The following KAT6A variants were observed in gnomAD, a reference collection of about 807,000 sequenced individuals.
KAT6A encodes lysine acetyltransferase 6A.
In KAT6A, 9 loss-of-function variants were observed where a neutral mutation model predicts 198.4. The ratio of observed to expected loss-of-function variants is 0.05; its 90% CI spans 0.03 to 0.08. The LOEUF (loss-of-function observed/expected upper bound fraction) is 0.08. Ranked by LOEUF, KAT6A falls within the 10% of genes least tolerant of loss-of-function variation. The pLI, the probability that KAT6A is intolerant of heterozygous loss-of-function variation, is 1.00. For missense variants in KAT6A, 2,077 were observed against 2,509.9 expected, an observed-to-expected ratio of 0.83 and a Z score of 3.69; for synonymous variants, 890 against 883.0, an observed-to-expected ratio of 1.01 and a Z score of -0.14.
At chr8:42,012,818 A>G (rs763021088) in intron 2 of KAT6A, among the ~76,000 whole-genome samples, 1 of 152,188 alleles carries the variant, frequency 6.6e-6, no homozygotes, top group Non-Finnish European at 1.5e-5. Flanking sequence ...AATGTCCCTC[A>G]ATAGGGGAAG....
At chr8:41,998,155 T>C (rs796964988) in intron 2 of KAT6A, among the ~76,000 whole-genome samples, 10 of 152,268 alleles carry the variant, frequency 6.6e-5, no homozygotes, top group African/African-American at 2.4e-4. Context: ...ACTCACATTT[T>C]CAAAGCACTT....
chr8:41,986,333 C>A (rs1053604612), intron 3 of KAT6A, among the ~76,000 whole-genome samples: 1 of 152,182 alleles, frequency 6.6e-6, no homozygotes, highest in Admixed American at 6.5e-5. Flanking sequence ...TAGAATTTCA[C>A]ATTGCTCGCT....
chr8:41,952,774 C>G (rs1001625000), intron 9 of KAT6A, among the ~76,000 whole-genome samples: 1 of 152,080 alleles, frequency 6.6e-6, no homozygotes, highest in Non-Finnish European at 1.5e-5. Context: ...AATGTAAGAT[C>G]TCCAAACATT....
At chr8:41,986,381 T>C (rs1824604091) in intron 3 of KAT6A, among the ~76,000 whole-genome samples, 3 of 152,212 alleles carry the variant, frequency 2.0e-5, no homozygotes. Context: ...ATGTGACATA[T>C]GTAAGTTTCC....
At position 41,946,493 on chromosome 8, in the gene KAT6A, T is replaced by TAC. The variant is rs60247515; in HGVS notation, c.1996+96_1996+97dup. ...CTACAAATCTTTAAATATATATATA[T>TAC]ACACACACACACACACACACACACA... On this transcript the variant is annotated intron_variant, in intron 12 of 16. Coordinates refer to ENST00000265713, the MANE Select transcript of KAT6A (RefSeq NM_006766.5). 0.018 allele frequency: 5,869 copies of TAC among 322,220 alleles called. 34 individuals are homozygous for TAC. The highest frequency in any genetic ancestry group is 0.024 in the Admixed American group (484 of 20,578). 20.0% of individuals were successfully genotyped at this position (322,220 alleles called of 1,614,324 possible). A position where few individuals can be genotyped will look rare whatever the true frequency, so the allele number is the denominator to read the frequency against.
In KAT6A at chr8:41,934,415, C is replaced by T; in HGVS notation, c.3805G>A (p.Glu1269Lys). ...NSPETETKEP[E>K]VEEEEEKPRV... The stretch of plus-strand genomic sequence containing the variant: ...GGCTTCTCTTCTTCCTCCTCCACCT[C>T]AGGCTCCTTGGTTTCGGTCTCAGGA... The change falls in exon 17 of 17, where the codon GAG (glutamate) becomes AAG (lysine). Residue 1269 changes from glutamate to lysine, a missense_variant. Around this residue, in one of 13 missense-constraint regions of KAT6A, gnomAD observed 375 missense variants for 383.0 expected, o/e 0.98. Transcript: ENST00000265713. 6.2e-7 allele frequency: 1 copy of T among 1,612,084 alleles called. No individual in the cohort carries two copies. The highest frequency in any genetic ancestry group is 8.5e-7 in the Non-Finnish European group (1 of 1,179,012).
chr8:42,016,427 C>G (rs1826274710), intron 2 of KAT6A, among the ~76,000 whole-genome samples: 1 of 152,122 alleles, frequency 6.6e-6, no homozygotes, highest in African/African-American at 2.4e-5. Flanking sequence ...AATGTATATT[C>G]TAACAGTTGT....
intron 2 of KAT6A, among the ~76,000 whole-genome samples, chr8:41,989,795 G>C (rs1824836036): frequency 1.3e-5 from 2 of 152,184 alleles, no homozygotes; most frequent in African/African-American, 4.8e-5. Flanking sequence ...CAATAATTAA[G>C]TGGCTGGCAG....
At chr8:42,043,341 G>A (rs939335007) in intron 2 of KAT6A, among the ~76,000 whole-genome samples, 1 of 152,166 alleles carries the variant, frequency 6.6e-6, no homozygotes, top group African/African-American at 2.4e-5. Flanking sequence ...CATGATTCAA[G>A]GAAAACAGTA....
At chr8:41,977,709 C>T (rs1824131396) in intron 6 of KAT6A, among the ~76,000 whole-genome samples, 1 of 152,180 alleles carries the variant, frequency 6.6e-6, no homozygotes, top group South Asian at 2.1e-4. Flanking sequence ...AGTTCTACTA[C>T]ACTGTGATCT....
chr8:42,003,436 T>G (rs1369859598), intron 2 of KAT6A, among the ~76,000 whole-genome samples: 2 of 148,568 alleles, frequency 1.3e-5, no homozygotes, highest in Non-Finnish European at 3.0e-5. Flanking sequence ...CTTCCAATAA[T>G]TCAAACCTCT....
intron 2 of KAT6A, among the ~76,000 whole-genome samples, chr8:42,032,611 TAA>T (rs576997370): frequency 1.1e-3 from 164 of 152,264 alleles, no homozygotes; most frequent in Admixed American, 3.0e-3. Flanking sequence ...AAAAATTATA[TAA>T]AGTCTCAAAA....
chr8:41,977,762 G>C (rs1186490096), intron 6 of KAT6A, among the ~76,000 whole-genome samples: 1 of 152,088 alleles, frequency 6.6e-6, no homozygotes, highest in Non-Finnish European at 1.5e-5. Context: ...AAAACACAAG[G>C]ATGGGTTATT....
intron 2 of KAT6A, among the ~76,000 whole-genome samples, chr8:42,001,416 T>C (rs1391688127): frequency 6.6e-6 from 1 of 152,024 alleles, no homozygotes; most frequent in Non-Finnish European, 1.5e-5. Flanking sequence ...TGGAAGGAGG[T>C]TGAAATGTAG....
intron 2 of KAT6A, among the ~76,000 whole-genome samples, chr8:42,042,665 G>C (rs1304435141): frequency 1.3e-5 from 2 of 152,116 alleles, no homozygotes; most frequent in East Asian, 3.8e-4. Flanking sequence ...ACCCAGCTGG[G>C]AGTAACCTGA....
intron 3 of KAT6A, among the ~76,000 whole-genome samples, chr8:41,984,252 A>C (rs1824496512): frequency 6.6e-6 from 1 of 152,202 alleles, no homozygotes; most frequent in South Asian, 2.1e-4. Context: ...GATATTGCTG[A>C]AATAACACAG....
At chr8:42,051,382 CG>C (rs1253844821) in intron 1 of KAT6A, among the ~76,000 whole-genome samples, 1 of 151,684 alleles carries the variant, frequency 6.6e-6, no homozygotes, top group Non-Finnish European at 1.5e-5. Flanking sequence ...CGCCCCCGGC[CG>C]GAGCCAAAGC....
chr8:42,000,366 C>A (rs959025516), intron 2 of KAT6A, among the ~76,000 whole-genome samples: 2 of 152,050 alleles, frequency 1.3e-5, no homozygotes, highest in African/African-American at 2.4e-5. Context: ...GCCTGGCCAA[C>A]CTGGTGAAGC....
At chr8:42,029,569 GT>G (rs201045645) in intron 2 of KAT6A, among the ~76,000 whole-genome samples, 88 of 132,216 alleles carry the variant, frequency 6.7e-4, no homozygotes, top group Non-Finnish European at 6.4e-4. Context: ...GTTTTTTTTT[GT>G]TTTTTTTTTT....
Sources: gnomAD v4.1 joint callset for allele counts (sites outside exome capture counted in the v4.1 genomes callset) on GRCh38, gnomAD v4.1.1 for gene constraint, gnomAD v4.1.1 regional missense constraint, MANE v1.5 for transcripts, NCBI Gene and HGNC (gene_info 2026-07-23, HGNC 2026-07-21) for gene names.